The following ST3GAL3 variants were observed in gnomAD, a reference collection of about 807,000 sequenced individuals.
The protein encoded by ST3GAL3 is ST3 beta-galactoside alpha-2,3-sialyltransferase 3, also known as CMP-N-acetylneuraminate-beta-1,4-galactoside alpha-2,3-sialyltransferase.
Under a neutral mutation model 50.1 loss-of-function variants are expected in ST3GAL3, and 21 were observed. The observed-to-expected ratio is 0.42, with a 90% CI of 0.30 to 0.60. The LOEUF is 0.60. Among genes scored for constraint, ST3GAL3 ranks in the 20% least tolerant of loss-of-function variants. The probability of loss-of-function intolerance (pLI) is 0.19; values close to 1 mark genes in which losing one functional copy is unlikely to be tolerated. For synonymous variants in ST3GAL3, 183 were observed against 190.0 expected (o/e 0.96, Z 0.30); for missense variants, 353 against 489.4 (o/e 0.72, Z 2.63).
At chr1:43,879,581 C>A in intron 5 of ST3GAL3, 2 of 356,772 alleles carry the variant, frequency 5.6e-6, no homozygotes, top group South Asian at 2.1e-5. Flanking sequence ...TGAGAGGCAG[C>A]CAAGAAAAAG....
intron 5 of ST3GAL3, among the ~76,000 whole-genome samples, chr1:43,890,115 C>CA (rs964898337): frequency 3.3e-5 from 5 of 150,550 alleles, no homozygotes; most frequent in Admixed American, 6.6e-5. Flanking sequence ...GAGCCTATCT[C>CA]AAAAAAAAAT....
chr1:43,813,468 T>G (rs927167753), intron 3 of ST3GAL3, among the ~76,000 whole-genome samples: 1 of 152,258 alleles, frequency 6.6e-6, no homozygotes, highest in African/African-American at 2.4e-5. Flanking sequence ...TCCATTCGCC[T>G]GCGTTAGAGC....
At chr1:43,721,880 C>G (rs187787226) in intron 1 of ST3GAL3, among the ~76,000 whole-genome samples, 3 of 151,974 alleles carry the variant, frequency 2.0e-5, no homozygotes, top group Non-Finnish European at 4.4e-5. Flanking sequence ...GGCTTACAGG[C>G]GTGAGCCACA....
At chr1:43,743,192 T>A (rs1028368725) in intron 2 of ST3GAL3, among the ~76,000 whole-genome samples, 2 of 142,346 alleles carry the variant, frequency 1.4e-5, no homozygotes, top group Non-Finnish European at 3.1e-5. Flanking sequence ...AAATAAATAA[T>A]GGCTGAAAAC....
intron 1 of ST3GAL3, among the ~76,000 whole-genome samples, chr1:43,711,504 C>T (rs76723367): frequency 5.0e-4 from 76 of 152,348 alleles, no homozygotes; most frequent in African/African-American, 1.8e-3. Context: ...GTGCATAGCA[C>T]TAATGACTAC....
At chr1:43,759,241 C>A (rs1280337471) in intron 2 of ST3GAL3, among the ~76,000 whole-genome samples, 1 of 151,154 alleles carries the variant, frequency 6.6e-6, no homozygotes, top group Non-Finnish European at 1.5e-5. Flanking sequence ...GTCAGGAGAT[C>A]GAGACCATCC....
At chr1:43,725,308 A>G (rs922991956) in intron 1 of ST3GAL3, among the ~76,000 whole-genome samples, 4 of 152,064 alleles carry the variant, frequency 2.6e-5, no homozygotes, top group African/African-American at 9.7e-5. Flanking sequence ...GGTTCAAGCT[A>G]TTCTCCTGCC....
At position 43,889,068 on chromosome 1, in the gene ST3GAL3, A is replaced by G. The variant is rs374626483; in HGVS notation, c.303-5315A>G. ...TTGAATAAAATAAGGTACATAATCAATCATGGGAGTATTATTGAGTATGTA... is the reference window on the plus strand; with the variant it reads ...TTGAATAAAATAAGGTACATAATCAGTCATGGGAGTATTATTGAGTATGTA... On this transcript the variant is annotated intron_variant, in intron 5 of 11. Transcript: ENST00000347631. Among the ~76,000 whole-genome samples, 6 of 152,324 alleles carry G rather than the reference A, an allele frequency of 3.9e-5. 1 individual carries two copies. The highest frequency in any genetic ancestry group is 1.9e-4 in the East Asian group (1 of 5,194).
intron 5 of ST3GAL3, among the ~76,000 whole-genome samples, chr1:43,892,738 A>T (rs772982666): frequency 2.0e-5 from 3 of 152,212 alleles, no homozygotes; most frequent in South Asian, 2.1e-4. Flanking sequence ...CATATTGGAA[A>T]GCAGATAAAA....
At chr1:43,795,902 G>A (rs1389832907) in intron 3 of ST3GAL3, among the ~76,000 whole-genome samples, 1 of 152,188 alleles carries the variant, frequency 6.6e-6, no homozygotes, top group Non-Finnish European at 1.5e-5. Context: ...AGTGTCCCAT[G>A]TCTTGGACTC....
chr1:43,802,695 C>T (rs2059446273), intron 3 of ST3GAL3, among the ~76,000 whole-genome samples: 2 of 152,334 alleles, frequency 1.3e-5, no homozygotes, highest in South Asian at 4.1e-4. Context: ...TTTCATGGAA[C>T]ATAATTTTTA....
At chr1:43,763,933 A>G (rs1553292749) in intron 2 of ST3GAL3, among the ~76,000 whole-genome samples, 1 of 152,232 alleles carries the variant, frequency 6.6e-6, no homozygotes, top group Non-Finnish European at 1.5e-5. Context: ...ATAGTGGAAC[A>G]TAAGAGTTGA....
chr1:43,831,893 A>G (rs962209956), intron 4 of ST3GAL3: 3 of 152,260 alleles, frequency 2.0e-5, no homozygotes, highest in African/African-American at 7.2e-5. Flanking sequence ...GGACTCCTTC[A>G]GCCCCATATG....
chr1:43,857,950 A>G (rs987119181), intron 5 of ST3GAL3, among the ~76,000 whole-genome samples: 6 of 152,080 alleles, frequency 3.9e-5, no homozygotes, highest in Admixed American at 2.6e-4. Flanking sequence ...TTTTTATTCT[A>G]TTTTATAAAA....
chr1:43,923,504 C>T (rs902403106), intron 11 of ST3GAL3, among the ~76,000 whole-genome samples: 1 of 152,166 alleles, frequency 6.6e-6, no homozygotes, highest in African/African-American at 2.4e-5. Flanking sequence ...AGTGCAAGAT[C>T]AAGGTGCGGG....
chr1:43,875,890 A>T (rs2073957989), intron 5 of ST3GAL3, among the ~76,000 whole-genome samples: 1 of 151,200 alleles, frequency 6.6e-6, no homozygotes, highest in Non-Finnish European at 1.5e-5. Context: ...TAATTGCTTT[A>T]GAATTTCTCT....
intron 5 of ST3GAL3, among the ~76,000 whole-genome samples, chr1:43,864,841 C>A (rs990616639): frequency 1.3e-5 from 2 of 152,008 alleles, no homozygotes; most frequent in African/African-American, 4.8e-5. Context: ...GTAGTGGCAC[C>A]ATTTCCTAAC....
chr1:43,720,010 A>C (rs1267498033), intron 1 of ST3GAL3, among the ~76,000 whole-genome samples: 1 of 151,158 alleles, frequency 6.6e-6, no homozygotes, highest in Non-Finnish European at 1.5e-5. Flanking sequence ...TTGGGATTTG[A>C]AGTGGGAGGA....
At chr1:43,832,571 A>T (rs1348064943) in intron 4 of ST3GAL3, among the ~76,000 whole-genome samples, 1 of 152,184 alleles carries the variant, frequency 6.6e-6, no homozygotes, top group Admixed American at 6.5e-5. Context: ...GAAACTGGTG[A>T]CAATGCAAGC....
Sources: gnomAD v4.1 joint callset for allele counts (sites outside exome capture counted in the v4.1 genomes callset) on GRCh38, gnomAD v4.1.1 for gene constraint, MANE v1.5 for transcripts, NCBI Gene and HGNC (gene_info 2026-07-23, HGNC 2026-07-21) for gene names.